AGO1: variants seen among roughly 807,000 people sequenced by gnomAD.
The protein encoded by AGO1 is argonaute RISC component 1.
In AGO1, 11 loss-of-function variants were observed where a neutral mutation model predicts 109.2. The observed-to-expected ratio is 0.10, with a 90% CI of 0.06 to 0.17. The LOEUF is 0.17. Ranked by LOEUF, AGO1 falls within the 10% of genes least tolerant of loss-of-function variation. The pLI, the probability that AGO1 is intolerant of heterozygous loss-of-function variation, is 1.00. For missense variants in AGO1, 574 were observed against 1,140.3 expected, an observed-to-expected ratio of 0.50 and a Z score of 7.15; for synonymous variants, 422 against 418.6, an observed-to-expected ratio of 1.01 and a Z score of -0.10.
chr1:35,913,169 G>A lies in AGO1; in HGVS notation c.1583-673G>A, dbSNP rs619613. Reference sequence around the variant, plus strand: ...CAAGTAGCTGGGACTACAGGCGCCCGCCACCATGCCTGGCTAATTTTTTGT... The same window carrying A: ...CAAGTAGCTGGGACTACAGGCGCCCACCACCATGCCTGGCTAATTTTTTGT... On this transcript the variant is annotated intron_variant, in intron 12 of 18. Coordinates refer to ENST00000373204, the MANE Select transcript of AGO1 (RefSeq NM_012199.5). Among the ~76,000 whole-genome samples the A allele has an allele frequency of 9.8e-3, 1,496 of 152,020 alleles. 34 individuals carry two copies. Among genetic ancestry groups the A allele is most frequent in the African/African-American group, 0.033 (1,377 of 41,482 alleles).
chr1:35,922,948 TG>T lies in AGO1; in HGVS notation c.*3342del, dbSNP rs1244761611. The T allele has an allele frequency of 6.6e-6, 1 of 152,284 alleles. No individual in the cohort carries two copies. The highest frequency in any genetic ancestry group is 1.9e-4 in the East Asian group (1 of 5,206). The allele number at this position is 152,284 out of a possible 1,614,324, so 9.4% of individuals were successfully genotyped here. A position where few individuals can be genotyped will look rare whatever the true frequency, so the allele number is the denominator to read the frequency against. On this transcript the variant is annotated 3_prime_UTR_variant, in exon 19 of 19. Coordinates refer to ENST00000373204, the MANE Select transcript of AGO1 (RefSeq NM_012199.5). ...GGCTTTTCTGAGATTGTCTTAGGGT[TG>T]AGCTATTTGGGTATCCTGGGTTTGA...
In AGO1 at chr1:35,901,918, C is replaced by A; in HGVS notation, c.1141-30C>A. ...TGAGCAGTATTGCCAAGCTCCTGTTCTCCTGAGATTGCTCTCTTTTGTCCT... is the reference window on the plus strand; with the variant it reads ...TGAGCAGTATTGCCAAGCTCCTGTTATCCTGAGATTGCTCTCTTTTGTCCT... On this transcript the variant is annotated intron_variant, in intron 9 of 18. Transcript: ENST00000373204. The surrounding 1 kb of genome is among the most constrained non-coding windows in gnomAD (Gnocchi z 4.8). The A allele has an allele frequency of 6.4e-7, 1 of 1,555,166 alleles. No homozygotes were observed. Among genetic ancestry groups the A allele is most frequent in the Non-Finnish European group, 8.7e-7 (1 of 1,151,650 alleles).
intron 12 of AGO1, among the ~76,000 whole-genome samples, chr1:35,913,299 G>A (rs1645673778): frequency 6.6e-6 from 1 of 152,134 alleles, no homozygotes; most frequent in Non-Finnish European, 1.5e-5. Flanking sequence ...GATTACAGGC[G>A]TGAGCCACCG....
chr1:35,873,463 T>C (rs1241987651), intron 1 of AGO1: 1 of 152,808 alleles, frequency 6.5e-6, no homozygotes, highest in Non-Finnish European at 1.5e-5. Flanking sequence ...AGATAACTTA[T>C]ATCGTGGTGA....
chr1:35,870,833 C>T (rs1296617844), intron 1 of AGO1, among the ~76,000 whole-genome samples: 1 of 152,142 alleles, frequency 6.6e-6, no homozygotes, highest in African/African-American at 2.4e-5. Flanking sequence ...ATATTTGTAT[C>T]CTTAAACCAC....
chr1:35,915,720 AT>A (rs1408800492), intron 15 of AGO1, among the ~76,000 whole-genome samples, 178 bp downstream of exon 15: 4 of 152,272 alleles, frequency 2.6e-5, no homozygotes, highest in Middle Eastern at 3.4e-3. Context: ...GCATCTGTAG[AT>A]TTTTCTTCTC....
chr1:35,883,155 G>A, upstream of AGO1: 9 of 1,130,240 alleles, frequency 8.0e-6, no homozygotes, highest in Non-Finnish European at 8.7e-6. The surrounding 1 kb of genome is among the most constrained non-coding windows in gnomAD (Gnocchi z 5.4). Flanking sequence ...CCGTCGGAGC[G>A]CCCCGCTTGA....
chr1:35,895,052 G>T, intron 7 of AGO1, 70 bp from the exon 8 acceptor site: 1 of 1,504,886 alleles, frequency 6.6e-7, no homozygotes, highest in Non-Finnish European at 8.9e-7. Flanking sequence ...GGCTTCCATG[G>T]TTGTGGGTCT....
chr1:35,915,232 T>C (rs1015109862), intron 14 of AGO1, 116 bp from the exon 15 acceptor site: 4 of 792,242 alleles, frequency 5.0e-6, no homozygotes, highest in Non-Finnish European at 8.2e-6. Context: ...GCTCACTGAG[T>C]CTCAAGCCCT....
chr1:35,892,586 T>C lies in AGO1; in HGVS notation c.239T>C (p.Phe80Ser). 7 of 1,614,242 alleles carry C rather than the reference T, an allele frequency of 4.3e-6. No homozygotes were observed. The highest frequency in any genetic ancestry group is 5.9e-6 in the Non-Finnish European group (7 of 1,180,042). The change falls in exon 3 of 19, where the codon TTC becomes TCC. Residue 80 changes from phenylalanine to serine, a missense_variant. Around this residue, in one of 8 missense-constraint regions of AGO1, gnomAD observed 89 missense variants for 109.6 expected, o/e 0.81. Transcript: ENST00000373204. Reference protein sequence around the residue: ...REVVEYMVQHFKPQIFGDRKP... With the variant: ...REVVEYMVQHSKPQIFGDRKP... ...GTGGTGGAATACATGGTCCAGCATT[T>C]CAAGCCTCAGATCTTTGGTGATCGC...
At position 35,919,479 on chromosome 1, in the gene AGO1, T is replaced by G. The variant is rs1210557078; in HGVS notation, c.2466-20T>G. The G allele has an allele frequency of 6.2e-7, 1 of 1,604,344 alleles. No individual in the cohort carries two copies. The highest frequency in any genetic ancestry group is 8.5e-7 in the Non-Finnish European group (1 of 1,174,282). ...CTCTCAGTTCACCAGGAAGGACTTCTTTCATTTTTTCCTTTTCAGTGGAGA... is the reference window on the plus strand; with the variant it reads ...CTCTCAGTTCACCAGGAAGGACTTCGTTCATTTTTTCCTTTTCAGTGGAGA... On this transcript the variant is annotated intron_variant, in intron 18 of 18. Transcript: ENST00000373204. This position sits in a 1 kb window ranked among gnomAD's most constrained non-coding sequence, Gnocchi z 6.6.
intron 1 of AGO1, among the ~76,000 whole-genome samples, chr1:35,887,817 C>T (rs933644127): frequency 2.6e-5 from 4 of 152,150 alleles, no homozygotes; most frequent in Non-Finnish European, 4.4e-5. Context: ...CTCCAACCCC[C>T]TTTCTCTTTT....
At position 35,901,397 on chromosome 1, in the gene AGO1, C is replaced by CT; in HGVS notation, c.1021-74dup. The CT allele has an allele frequency of 6.3e-7, 1 of 1,588,518 alleles. No homozygotes were observed. The highest frequency in any genetic ancestry group is 8.6e-7 in the Non-Finnish European group (1 of 1,164,510). On this transcript the variant is annotated intron_variant, in intron 8 of 18. Coordinates refer to ENST00000373204, the MANE Select transcript of AGO1 (RefSeq NM_012199.5). The surrounding 1 kb of genome is among the most constrained non-coding windows in gnomAD (Gnocchi z 4.8). ...TCCCCATGGCTGACAGCCAAGGTAT[C>CT]TTTCCTTATTGTGGGGCTCTGGGTA...
intron 16 of AGO1, 57 bp from the exon 17 acceptor site, chr1:35,918,265 G>A: frequency 7.3e-7 from 1 of 1,362,968 alleles, no homozygotes; most frequent in South Asian, 1.2e-5. Flanking sequence ...ATTGAGCCAG[G>A]GTCCTGGTTA....
At chr1:35,905,071 T>C (rs892465413) in intron 11 of AGO1, among the ~76,000 whole-genome samples, 18 of 152,224 alleles carry the variant, frequency 1.2e-4, no homozygotes, top group African/African-American at 1.7e-4. Context: ...TTCCTCATCT[T>C]AAACATCTCA....
intron 1 of AGO1, among the ~76,000 whole-genome samples, chr1:35,874,391 G>C (rs757932897): frequency 2.0e-5 from 3 of 152,114 alleles, no homozygotes; most frequent in Non-Finnish European, 4.4e-5. Flanking sequence ...TGCCCAGGCC[G>C]GTCTCAAACT....
chr1:35,917,585 GT>G lies in AGO1; in HGVS notation c.2029-7del. 1 of 1,598,966 alleles carries G rather than the reference GT, an allele frequency of 6.3e-7. No homozygotes were observed. The highest frequency in any genetic ancestry group is 1.1e-5 in the South Asian group (1 of 89,190). On this transcript the variant is annotated splice_polypyrimidine_tract_variant and splice_region_variant and intron_variant, in intron 15 of 18. Transcript: ENST00000373204. ...TCTTTGTTTCCCTCCCCATTTTTTT[GT>G]GCCTAGATACTCCACTATGAGCTAC...
intron 8 of AGO1, among the ~76,000 whole-genome samples, chr1:35,896,918 T>A (rs1645330730): frequency 6.6e-6 from 1 of 152,224 alleles, no homozygotes. Flanking sequence ...AAGCAGAGAT[T>A]TGTTAGCAAA....
chr1:35,879,265 A>G (rs551310454), upstream of AGO1, among the ~76,000 whole-genome samples: 130 of 151,838 alleles, frequency 8.6e-4, 1 homozygote, highest in African/African-American at 3.1e-3. Context: ...CCTGACCAAC[A>G]TGGAGAAACC....
Sources: gnomAD v4.1 joint callset for allele counts (sites outside exome capture counted in the v4.1 genomes callset) on GRCh38, gnomAD v4.1.1 for gene constraint, gnomAD v4.1.1 regional missense constraint, Gnocchi (gnomAD v3.1) non-coding constraint, MANE v1.5 for transcripts, NCBI Gene and HGNC (gene_info 2026-07-23, HGNC 2026-07-21) for gene names.